GALNTL6: variants seen among roughly 807,000 people sequenced by gnomAD.
The protein encoded by GALNTL6 is polypeptide N-acetylgalactosaminyltransferase like 6.
A neutral mutation model predicts 73.7 loss-of-function variants in GALNTL6; 46 were observed. The observed-to-expected ratio is 0.62, with a 90% confidence interval of 0.49 to 0.80. The LOEUF is 0.80. Among genes scored for constraint, GALNTL6 ranks in the 30% least tolerant of loss-of-function variants. GALNTL6 has a pLI of 0.00. For missense variants in GALNTL6, 604 were observed against 755.0 expected (o/e 0.80, Z 2.34); for synonymous variants, 259 against 263.7 (o/e 0.98, Z 0.17).
At chr4:171,886,509 A>T (rs1418087753) in intron 2 of GALNTL6, among the ~76,000 whole-genome samples, 1 of 152,164 alleles carries the variant, frequency 6.6e-6, no homozygotes, top group Non-Finnish European at 1.5e-5. Context: ...TCTTATGTTA[A>T]TACATAAGTG....
At chr4:172,535,169 A>T (rs1735304830) in intron 5 of GALNTL6, among the ~76,000 whole-genome samples, 1 of 152,236 alleles carries the variant, frequency 6.6e-6, no homozygotes, top group South Asian at 2.1e-4. Context: ...AGGTTAATAG[A>T]CCTGAAACAA....
Position 172,494,139 on chromosome 4 carries a change from A to C in GALNTL6, c.553+145450A>C, listed in dbSNP as rs148093852. ...ATAGCAACATAATTGTATTTGTATGAAAGAAGTGGGCAACCAAAATAAAAT... is the reference window on the plus strand; with the variant it reads ...ATAGCAACATAATTGTATTTGTATGCAAGAAGTGGGCAACCAAAATAAAAT... On this transcript the variant is annotated intron_variant, in intron 5 of 12. Coordinates refer to ENST00000506823, the MANE Select transcript of GALNTL6 (RefSeq NM_001034845.3). Among the ~76,000 whole-genome samples, 369 of 152,334 alleles carry C rather than the reference A, an allele frequency of 2.4e-3. 2 individuals carry two copies. Among genetic ancestry groups the C allele is most frequent in the African/African-American group, 8.4e-3 (348 of 41,582 alleles).
intron 2 of GALNTL6, among the ~76,000 whole-genome samples, chr4:171,860,459 T>C (rs1336683328): frequency 6.6e-6 from 1 of 152,186 alleles, no homozygotes; most frequent in African/African-American, 2.4e-5. Context: ...TTAAGCACCC[T>C]GACAACCTGG....
intron 3 of GALNTL6, among the ~76,000 whole-genome samples, chr4:172,298,909 T>G (rs910863090): frequency 2.6e-5 from 4 of 152,210 alleles, no homozygotes; most frequent in African/African-American, 9.7e-5. Context: ...ATTCCCTCTT[T>G]TTCTATTGAT....
chr4:172,993,226 G>A (rs1751620639), intron 10 of GALNTL6, among the ~76,000 whole-genome samples: 2 of 152,304 alleles, frequency 1.3e-5, no homozygotes, highest in South Asian at 4.1e-4. Context: ...CTGATAAGAA[G>A]AGAAGAGACA....
At chr4:173,002,688 G>T (rs528847016) in intron 10 of GALNTL6, among the ~76,000 whole-genome samples, 1 of 149,574 alleles carries the variant, frequency 6.7e-6, no homozygotes, top group Non-Finnish European at 1.5e-5. Flanking sequence ...CCAGCTACTT[G>T]GGAGGCTGAG....
intron 2 of GALNTL6, among the ~76,000 whole-genome samples, chr4:171,826,413 A>T (rs1734826553): frequency 1.3e-5 from 2 of 152,186 alleles, no homozygotes; most frequent in Non-Finnish European, 2.9e-5. Context: ...AACTTTCTTT[A>T]GGAACGTCCA....
intron 5 of GALNTL6, among the ~76,000 whole-genome samples, chr4:172,737,923 C>T (rs1736567457): frequency 6.6e-6 from 1 of 152,152 alleles, no homozygotes; most frequent in South Asian, 2.1e-4. Context: ...TCATGGGAAG[C>T]TTGGCTAGGG....
At chr4:172,409,379 AATT>A (rs1177679050) in intron 5 of GALNTL6, among the ~76,000 whole-genome samples, 1 of 152,030 alleles carries the variant, frequency 6.6e-6, no homozygotes, top group Non-Finnish European at 1.5e-5. Context: ...AATTACAAAT[AATT>A]ATTATATTGA....
intron 7 of GALNTL6, among the ~76,000 whole-genome samples, chr4:172,871,611 A>AGTGTGTGT (rs5864173): frequency 0.014 from 1,872 of 137,548 alleles, 51 homozygotes; most frequent in African/African-American, 0.045. Context: ...TGTGTGTGAG[A>AGTGTGTGT]GTGTGTGTGT....
chr4:172,110,400 A>G (rs1422024086), intron 2 of GALNTL6, among the ~76,000 whole-genome samples: 1 of 152,196 alleles, frequency 6.6e-6, no homozygotes, highest in Non-Finnish European at 1.5e-5. Context: ...TTTAAAGAAG[A>G]TAGGATGAAC....
chr4:172,983,830 A>G (rs752311584), intron 10 of GALNTL6, among the ~76,000 whole-genome samples: 15 of 152,202 alleles, frequency 9.9e-5, no homozygotes, highest in African/African-American at 1.4e-4. Flanking sequence ...GATTAGCATT[A>G]CAAATGGAGG....
At chr4:172,395,263 C>A (rs931735040) in intron 5 of GALNTL6, among the ~76,000 whole-genome samples, 9 of 150,212 alleles carry the variant, frequency 6.0e-5, no homozygotes, top group Non-Finnish European at 1.3e-4. Flanking sequence ...ATAAACATGC[C>A]TTGTAGCTTA....
intron 5 of GALNTL6, among the ~76,000 whole-genome samples, chr4:172,402,694 C>G (rs1487666863): frequency 6.6e-6 from 1 of 151,900 alleles, no homozygotes; most frequent in African/African-American, 2.4e-5. Flanking sequence ...CTCCTTAACA[C>G]GGTAAGACTA....
chr4:172,999,714 A>G (rs6847004), intron 10 of GALNTL6, among the ~76,000 whole-genome samples: 116,837 of 151,518 alleles, frequency 0.77, 46,103 homozygotes, highest in East Asian at 0.93. Context: ...AGTTGTCAAG[A>G]GCTGTAATTT....
chr4:172,072,374 C>G (rs1273650623), intron 2 of GALNTL6, among the ~76,000 whole-genome samples: 1 of 151,948 alleles, frequency 6.6e-6, no homozygotes, highest in African/African-American at 2.4e-5. Context: ...ATACTCCTTT[C>G]TTTAAATTTT....
chr4:171,950,543 C>G (rs568388054), intron 2 of GALNTL6, among the ~76,000 whole-genome samples: 5 of 147,794 alleles, frequency 3.4e-5, no homozygotes, highest in African/African-American at 9.9e-5. Context: ...TGCAGTGGCT[C>G]GATCTTGGCT....
chr4:172,448,565 T>C (rs1175068214), intron 5 of GALNTL6, among the ~76,000 whole-genome samples: 1 of 152,152 alleles, frequency 6.6e-6, no homozygotes, highest in East Asian at 1.9e-4. Context: ...AAGAAAAAAG[T>C]TCTGGGAAAC....
intron 5 of GALNTL6, among the ~76,000 whole-genome samples, chr4:172,519,509 C>CTT (rs200738778): frequency 5.7e-5 from 8 of 139,230 alleles, no homozygotes; most frequent in Non-Finnish European, 9.5e-5. Flanking sequence ...TTCCTTCTTT[C>CTT]TTTTTTTTTT....
Sources: allele counts gnomAD v4.1 joint callset (sites outside exome capture counted in the v4.1 genomes callset), GRCh38; gene constraint gnomAD v4.1.1; transcripts MANE v1.5; gene names NCBI Gene and HGNC (gene_info 2026-07-23, HGNC 2026-07-21).